ADAMTS10: variants seen among roughly 807,000 people sequenced by gnomAD.
ADAMTS10 encodes ADAM metallopeptidase with thrombospondin type 1 motif 10.
In ADAMTS10, 48 loss-of-function variants were observed where a neutral mutation model predicts 135.9. That is an observed-to-expected ratio of 0.35 (90% confidence interval 0.28 to 0.45). ADAMTS10 has a LOEUF of 0.45. Ranked by LOEUF, ADAMTS10 falls within the 20% of genes least tolerant of loss-of-function variation. The pLI, the probability that ADAMTS10 is intolerant of heterozygous loss-of-function variation, is 1.00. For missense variants in ADAMTS10, 1,131 were observed against 1,565.2 expected, an observed-to-expected ratio of 0.72 and a Z score of 4.68; for synonymous variants, 621 against 647.5, an observed-to-expected ratio of 0.96 and a Z score of 0.62.
intron 4 of ADAMTS10, among the ~76,000 whole-genome samples, chr19:8,604,705 C>T (rs1444830932): frequency 1.3e-5 from 2 of 151,768 alleles, no homozygotes; most frequent in Non-Finnish European, 2.9e-5. Flanking sequence ...AGGCTGGTCT[C>T]GAACTCCTGA....
At chr19:8,598,186 G>A (rs2146085481) in intron 6 of ADAMTS10, among the ~76,000 whole-genome samples, 1 of 152,276 alleles carries the variant, frequency 6.6e-6, no homozygotes, top group African/African-American at 2.4e-5. Flanking sequence ...GCAAACAGAG[G>A]TTAGGACACA....
intron 12 of ADAMTS10, 76 bp from the exon 13 acceptor site, chr19:8,592,946 C>A: frequency 1.5e-6 from 2 of 1,370,560 alleles, no homozygotes; most frequent in Non-Finnish European, 2.0e-6. Context: ...TTGGGAGGAC[C>A]CAGATGTCCG....
intron 4 of ADAMTS10, 26 bp downstream of exon 4, chr19:8,604,986 C>T (rs782591099): frequency 6.4e-7 from 1 of 1,569,580 alleles, no homozygotes; most frequent in Admixed American, 1.9e-5. Flanking sequence ...GGCATTTCCC[C>T]CCGCGTTCCA....
intron 1 of ADAMTS10, among the ~76,000 whole-genome samples, chr19:8,608,681 C>T (rs782003998): frequency 2.0e-5 from 3 of 152,008 alleles, no homozygotes; most frequent in Admixed American, 6.6e-5. Flanking sequence ...GGGGCTCTCT[C>T]TGGTCTTGTC....
At position 8,605,556 on chromosome 19, in the gene ADAMTS10, G is replaced by C; in HGVS notation, c.88+67C>G. Reference sequence around the variant, plus strand: ...TCCCAGCCCCCTGATGCCTCTTTCTGTTGGAGCCCAACTGGTCTCTTACAT... The same window carrying C: ...TCCCAGCCCCCTGATGCCTCTTTCTCTTGGAGCCCAACTGGTCTCTTACAT... On this transcript the variant is annotated intron_variant, in intron 3 of 25. Transcript: ENST00000597188. This position sits in a 1 kb window ranked among gnomAD's most constrained non-coding sequence, Gnocchi z 7.7. The C allele has an allele frequency of 1.3e-6, 2 of 1,547,204 alleles. No homozygotes were observed. Among genetic ancestry groups the C allele is most frequent in the Non-Finnish European group, 1.8e-6 (2 of 1,142,274 alleles).
intron 12 of ADAMTS10, 31 bp from the exon 13 acceptor site, chr19:8,592,901 C>T: frequency 1.3e-6 from 2 of 1,593,540 alleles, no homozygotes; most frequent in Non-Finnish European, 1.7e-6. Flanking sequence ...TCAGGCTCGC[C>T]CCCCTCCCTT....
rs1422023860 is a variant in ADAMTS10, at chr19:8,592,977, C to T, written c.1480-107G>A. 8.5e-6 allele frequency: 9 copies of T among 1,052,824 alleles called. No homozygotes were observed. The East Asian group carries it at 2.1e-4, about 24-fold the overall frequency. The allele number at this position is 1,052,824 out of a possible 1,614,324, so 65.2% of individuals were successfully genotyped here. On this transcript the variant is annotated intron_variant, in intron 12 of 25. Coordinates refer to ENST00000597188, the MANE Select transcript of ADAMTS10 (RefSeq NM_030957.4). ...GTCCGGCTCACTGCCGGTCCCAGAG[C>T]AGAGAGCCCGGTGCTCCCTTCCTGG...
rs114628276 is a variant in ADAMTS10, at chr19:8,605,096, C to T, written c.351G>A (p.Ala117=). The change falls in exon 4 of 26, where the codon GCG becomes GCA. Residue 117 remains alanine (A), a synonymous_variant. Coordinates refer to ENST00000597188, the MANE Select transcript of ADAMTS10 (RefSeq NM_030957.4). The surrounding 1 kb of genome is among the most constrained non-coding windows in gnomAD (Gnocchi z 7.7). The part of the protein sequence containing the change: ...WTREGLAWQR[A]ARPHCLYAGH... The stretch of plus-strand genomic sequence containing the variant: ...CAGCGTAGAGGCAGTGGGGCCGGGC[C>T]GCCCTCTGCCAGGCCAGGCCCTCCC... 506 of 1,612,882 alleles carry T rather than the reference C, an allele frequency of 3.1e-4. 3 individuals carry two copies. In the African/African-American group the frequency reaches 5.7e-3, roughly 18 times the overall value.
rs1185127971 is a variant in ADAMTS10 at position 8,605,573 on chromosome 19, C to G, written c.88+50G>C. The G allele has an allele frequency of 2.6e-6, 4 of 1,525,768 alleles. No individual in the cohort carries two copies. The African/African-American group carries it at 5.5e-5, about 21-fold the overall frequency. 94.5% of individuals were successfully genotyped at this position (1,525,768 alleles called of 1,614,324 possible). A position where few individuals can be genotyped will look rare whatever the true frequency, so the allele number is the denominator to read the frequency against. On this transcript the variant is annotated intron_variant, in intron 3 of 25. Transcript: ENST00000597188. This position sits in a 1 kb window ranked among gnomAD's most constrained non-coding sequence, Gnocchi z 7.7. The stretch of plus-strand genomic sequence containing the variant: ...CTCTTTCTGTTGGAGCCCAACTGGT[C>G]TCTTACATTTTTCGCTCCCTCCCCA...
chr19:8,590,668 C>T (rs2042512005), intron 15 of ADAMTS10, among the ~76,000 whole-genome samples: 2 of 152,156 alleles, frequency 1.3e-5, no homozygotes, highest in Admixed American at 6.5e-5. Flanking sequence ...CCATGTTAGC[C>T]AGGCTGGTCT....
chr19:8,600,200 C>G (rs1323024066), intron 6 of ADAMTS10, among the ~76,000 whole-genome samples: 3 of 152,204 alleles, frequency 2.0e-5, no homozygotes, highest in African/African-American at 7.2e-5. Context: ...TGCACTGGAT[C>G]TACCTTAGCT....
At chr19:8,595,718 G>GC in intron 12 of ADAMTS10, 44 bp downstream of exon 12, 73 of 1,403,270 alleles carry the variant, frequency 5.2e-5, no homozygotes, top group Non-Finnish European at 6.5e-5. Flanking sequence ...AGCCCCAGCG[G>GC]CCCCCTCCCC....
In ADAMTS10 at chr19:8,589,374, A is replaced by G; in HGVS notation, c.2035-9T>C. ...CGGTCGCAGCCCACGTGCTGCGTGG[A>G]GAAGGCGTGAGTGAGGCGACCCCCT... On this transcript the variant is annotated splice_polypyrimidine_tract_variant and intron_variant, in intron 17 of 25. Transcript: ENST00000597188. 1.2e-6 allele frequency: 2 copies of G among 1,612,036 alleles called. No individual in the cohort carries two copies. The highest frequency in any genetic ancestry group is 1.7e-4 in the Middle Eastern group (1 of 5,964).
rs1031282203 is a variant in ADAMTS10 at position 8,605,930 on chromosome 19, C to T, written c.-99-121G>A. 2.1e-6 allele frequency: 2 copies of T among 953,976 alleles called. No individual in the cohort carries two copies. The highest frequency in any genetic ancestry group is 3.0e-6 in the Non-Finnish European group (2 of 662,238). 59.1% of individuals were successfully genotyped at this position (953,976 alleles called of 1,614,324 possible). A position where few individuals can be genotyped will look rare whatever the true frequency, so the allele number is the denominator to read the frequency against. On this transcript the variant is annotated intron_variant, in intron 2 of 25. Transcript: ENST00000597188. The surrounding 1 kb of genome is among the most constrained non-coding windows in gnomAD (Gnocchi z 7.7). ...TGAAGATTCTGAATGCATTTTCTCACTCAGTCACTCCCCTCTCCCCACCTC... is the reference window on the plus strand; with the variant it reads ...TGAAGATTCTGAATGCATTTTCTCATTCAGTCACTCCCCTCTCCCCACCTC...
chr19:8,588,941 G>A lies in ADAMTS10; in HGVS notation c.2158+301C>T, dbSNP rs1201146174. ...TGAGTAGCTGGGATTACAGGTGCTC[G>A]CCACCACGCCCAGCTAATTTTTGTA... is the stretch of plus-strand genomic sequence containing the variant. On this transcript the variant is annotated intron_variant, in intron 18 of 25. Transcript: ENST00000597188. 2.6e-5 allele frequency among the ~76,000 whole-genome samples: 4 copies of A among 151,936 alleles called. No homozygotes were observed. The highest frequency in any genetic ancestry group is 7.3e-5 in the African/African-American group (3 of 41,352).
chr19:8,605,310 C>T lies in ADAMTS10; in HGVS notation c.137G>A (p.Arg46His), dbSNP rs782414885. 8.5e-5 allele frequency: 137 copies of T among 1,610,832 alleles called. No homozygotes were observed. Among genetic ancestry groups the T allele is most frequent in the Middle Eastern group, 1.6e-4 (1 of 6,076 alleles). ...LESYEIAFPT[R>H]VDHNGALLAF... Reference sequence around the variant, plus strand: ...CAGCAGTGCCCCGTTGTGGTCCACGCGGGTGGGGAAGGCGATCTCATAGCT... The same window carrying T: ...CAGCAGTGCCCCGTTGTGGTCCACGTGGGTGGGGAAGGCGATCTCATAGCT... The change falls in exon 4 of 26, where the codon CGC becomes CAC. Residue 46 changes from arginine to histidine, a missense_variant. This residue lies in a region of ADAMTS10 where 306 missense variants were observed against 344.4 expected (regional missense o/e 0.89). Coordinates refer to ENST00000597188, the MANE Select transcript of ADAMTS10 (RefSeq NM_030957.4). This position sits in a 1 kb window ranked among gnomAD's most constrained non-coding sequence, Gnocchi z 7.7.
rs782757886 is a variant in ADAMTS10 at position 8,592,743 on chromosome 19, G to T, written c.1587+20C>A. Reference sequence around the variant, plus strand: ...GGCTCAGGGGGCGTGGCCCAGTTGGGGGCCCTGGCCGGCGCTCACCCCCTT... The same window carrying T: ...GGCTCAGGGGGCGTGGCCCAGTTGGTGGCCCTGGCCGGCGCTCACCCCCTT... On this transcript the variant is annotated intron_variant, in intron 13 of 25. Transcript: ENST00000597188. 4.4e-5 allele frequency: 71 copies of T among 1,601,942 alleles called. No homozygotes were observed. Among genetic ancestry groups the T allele is most frequent in the Non-Finnish European group, 5.8e-5 (68 of 1,177,174 alleles).
intron 18 of ADAMTS10, 128 bp from the exon 19 acceptor site, chr19:8,587,024 GC>G: frequency 1.0e-6 from 1 of 981,594 alleles, no homozygotes; most frequent in Non-Finnish European, 1.6e-6. Context: ...CTGCACCCCT[GC>G]CCCACCCTTG....
intron 4 of ADAMTS10, 134 bp downstream of exon 4, chr19:8,604,878 C>A: frequency 9.9e-7 from 1 of 1,009,418 alleles, no homozygotes. Flanking sequence ...GCTGCATCCC[C>A]AAAGCACTGA....
Sources: gnomAD v4.1 joint callset for allele counts (sites outside exome capture counted in the v4.1 genomes callset) on GRCh38, gnomAD v4.1.1 for gene constraint, gnomAD v4.1.1 regional missense constraint, Gnocchi (gnomAD v3.1) non-coding constraint, MANE v1.5 for transcripts, NCBI Gene and HGNC (gene_info 2026-07-23, HGNC 2026-07-21) for gene names.